NTNG1: variants seen among roughly 807,000 people sequenced by gnomAD.
The protein encoded by NTNG1 is netrin-G1.
In NTNG1, 16 loss-of-function variants were observed where a neutral mutation model predicts 54.0. The ratio of observed to expected loss-of-function variants is 0.30; its 90% confidence interval spans 0.20 to 0.45. The LOEUF is 0.45. NTNG1 is among the 20% of genes least tolerant of loss of function. The probability of loss-of-function intolerance (pLI) is 1.00; values close to 1 mark genes in which losing one functional copy is unlikely to be tolerated. For synonymous variants in NTNG1, 255 were observed against 263.1 expected (o/e 0.97, Z 0.30); for missense variants, 530 against 678.7 (o/e 0.78, Z 2.43).
intron 2 of NTNG1, among the ~76,000 whole-genome samples, chr1:107,238,918 AT>A (rs1299768007): frequency 6.6e-6 from 1 of 152,140 alleles, no homozygotes; most frequent in Admixed American, 6.5e-5. Flanking sequence ...AAAAAAATGA[AT>A]ACGATGTGGC....
rs1243166782 is a variant in NTNG1 at position 107,484,467 on chromosome 1, A to G, written c.*3627A>G. Among the ~76,000 whole-genome samples the G allele has an allele frequency of 6.6e-6, 1 of 152,192 alleles. No homozygotes were observed. Among genetic ancestry groups the G allele is most frequent in the East Asian group, 1.9e-4 (1 of 5,188 alleles). ...ACTTTTAAATACTTAGACATGTGGC[A>G]TGGGGTCCTCCATTGGTACTTTTGC... On this transcript the variant is annotated 3_prime_UTR_variant, in exon 8 of 8. Transcript: ENST00000370068.
At chr1:107,289,291 G>GTA (rs1315204832) in intron 2 of NTNG1, among the ~76,000 whole-genome samples, 1 of 152,078 alleles carries the variant, frequency 6.6e-6, no homozygotes, top group African/African-American at 2.4e-5. Context: ...TCATCCCCAT[G>GTA]TATATGCAGC....
chr1:107,400,981 G>A (rs1233218239), intron 4 of NTNG1, among the ~76,000 whole-genome samples: 2 of 152,150 alleles, frequency 1.3e-5, no homozygotes, highest in Non-Finnish European at 2.9e-5. Context: ...GAGTGGATAA[G>A]TAAACCTAAT....
chr1:107,368,142 TC>T (rs899090936), intron 3 of NTNG1, among the ~76,000 whole-genome samples: 15 of 152,132 alleles, frequency 9.9e-5, no homozygotes, highest in Non-Finnish European at 2.2e-4. Context: ...CCCCATTATC[TC>T]CAGGATTCTT....
chr1:107,394,064 C>T (rs948836061), intron 3 of NTNG1, among the ~76,000 whole-genome samples: 6 of 152,060 alleles, frequency 3.9e-5, no homozygotes, highest in Admixed American at 1.3e-4. Flanking sequence ...GTCAATCTCT[C>T]TCTCTCTCTG....
intron 7 of NTNG1, among the ~76,000 whole-genome samples, chr1:107,470,712 T>G (rs199663904): frequency 6.6e-6 from 1 of 152,208 alleles, no homozygotes; most frequent in East Asian, 1.9e-4. Flanking sequence ...ACTAGACAAG[T>G]GCATTTTCTG....
At chr1:107,189,558 C>A (rs1054018423) in intron 2 of NTNG1, among the ~76,000 whole-genome samples, 1 of 151,370 alleles carries the variant, frequency 6.6e-6, no homozygotes, top group African/African-American at 2.4e-5. Flanking sequence ...ATATCATTGA[C>A]TCAATTTCTT....
chr1:107,460,278 C>T (rs772322793), intron 7 of NTNG1: 16 of 449,642 alleles, frequency 3.6e-5, no homozygotes, highest in Non-Finnish European at 6.2e-5. Flanking sequence ...TCATCATGAG[C>T]GCACTCCCAG....
chr1:107,237,748 T>A (rs114024084), intron 2 of NTNG1, among the ~76,000 whole-genome samples: 57 of 152,246 alleles, frequency 3.7e-4, no homozygotes, highest in African/African-American at 1.4e-3. Flanking sequence ...CTTGGCAGCT[T>A]CCAAGTGGTG....
At chr1:107,206,308 T>C (rs994782927) in intron 2 of NTNG1, among the ~76,000 whole-genome samples, 7 of 152,176 alleles carry the variant, frequency 4.6e-5, no homozygotes, top group Admixed American at 1.3e-4. Context: ...TTTGATATTT[T>C]GCGTCTTTTT....
chr1:107,153,138 G>A (rs538367998), intron 2 of NTNG1, among the ~76,000 whole-genome samples: 10 of 152,118 alleles, frequency 6.6e-5, no homozygotes, highest in Non-Finnish European at 1.3e-4. Flanking sequence ...TGGAATTTAC[G>A]GAAGTGGTAC....
At chr1:107,258,503 T>C (rs1663083221) in intron 2 of NTNG1, among the ~76,000 whole-genome samples, 1 of 152,332 alleles carries the variant, frequency 6.6e-6, no homozygotes, top group Non-Finnish European at 1.5e-5. Context: ...TGCATAAGCA[T>C]AGTTTATAAT....
chr1:107,350,412 A>G (rs1471327383), intron 3 of NTNG1, among the ~76,000 whole-genome samples: 1 of 152,070 alleles, frequency 6.6e-6, no homozygotes, highest in Non-Finnish European at 1.5e-5. Context: ...TGTCTTTATG[A>G]TGATTATGTT....
chr1:107,414,316 C>T (rs1218960677), intron 5 of NTNG1, among the ~76,000 whole-genome samples: 1 of 152,044 alleles, frequency 6.6e-6, no homozygotes, highest in East Asian at 1.9e-4. Flanking sequence ...TCAAGTGCGA[C>T]CACTAAATTG....
At chr1:107,430,218 A>G (rs1473934456) in intron 5 of NTNG1, among the ~76,000 whole-genome samples, 1 of 152,144 alleles carries the variant, frequency 6.6e-6, no homozygotes, top group Admixed American at 6.6e-5. Flanking sequence ...TTAGTTGTCT[A>G]GAACTCTATT....
intron 2 of NTNG1, among the ~76,000 whole-genome samples, chr1:107,208,795 G>C (rs114141171): frequency 3.3e-5 from 5 of 152,044 alleles, no homozygotes; most frequent in Non-Finnish European, 5.9e-5. Context: ...TTTTGTGGGG[G>C]CTTACCTTCC....
At chr1:107,164,515 T>C (rs146844023) in intron 2 of NTNG1, among the ~76,000 whole-genome samples, 13 of 152,346 alleles carry the variant, frequency 8.5e-5, no homozygotes, top group Non-Finnish European at 1.6e-4. Context: ...AACAGACTTA[T>C]TTCCTAACCT....
chr1:107,166,630 A>T (rs1557774817), intron 2 of NTNG1, among the ~76,000 whole-genome samples: 1 of 152,208 alleles, frequency 6.6e-6, no homozygotes, highest in East Asian at 1.9e-4. Context: ...TATTTACAAA[A>T]GCCTGATCAA....
intron 2 of NTNG1, among the ~76,000 whole-genome samples, chr1:107,296,407 C>T (rs1160292731): frequency 3.3e-5 from 5 of 151,942 alleles, no homozygotes; most frequent in Non-Finnish European, 5.9e-5. Context: ...ATGCACATTG[C>T]ATGAAACCTG....
Sources: allele counts gnomAD v4.1 joint callset (sites outside exome capture counted in the v4.1 genomes callset), GRCh38; gene constraint gnomAD v4.1.1; transcripts MANE v1.5; gene names NCBI Gene and HGNC (gene_info 2026-07-23, HGNC 2026-07-21).